AUTS2: variants seen among roughly 807,000 people sequenced by gnomAD.
The protein encoded by AUTS2 is autism susceptibility gene 2 protein.
Under a neutral mutation model 112.4 loss-of-function variants are expected in AUTS2, and 17 were observed. The ratio of observed to expected loss-of-function variants is 0.15; its 90% CI spans 0.10 to 0.23. The LOEUF (loss-of-function observed/expected upper bound fraction) is 0.23. Among genes scored for constraint, AUTS2 ranks in the 10% least tolerant of loss-of-function variants. The pLI is 1.00. For synonymous variants in AUTS2, 751 were observed against 702.7 expected, an observed-to-expected ratio of 1.07 and a Z score of -1.09; for missense variants, 1,510 against 1,701.6, an observed-to-expected ratio of 0.89 and a Z score of 1.98.
chr7:70,770,042 T>C (rs1563186239), intron 10 of AUTS2, among the ~76,000 whole-genome samples: 1 of 152,208 alleles, frequency 6.6e-6, no homozygotes, highest in African/African-American at 2.4e-5. Flanking sequence ...GGGGCATGTA[T>C]TTAATTACTC....
chr7:69,986,455 G>T (rs1356862604), intron 2 of AUTS2, among the ~76,000 whole-genome samples: 1 of 152,200 alleles, frequency 6.6e-6, no homozygotes, highest in Non-Finnish European at 1.5e-5. Flanking sequence ...TTCACATCCA[G>T]GCTCACTTGG....
chr7:69,700,667 A>G (rs539114635), intron 1 of AUTS2, among the ~76,000 whole-genome samples: 72 of 152,350 alleles, frequency 4.7e-4, no homozygotes, highest in African/African-American at 1.6e-3. Flanking sequence ...ACTAGTATCA[A>G]TTATTAACTA....
chr7:70,077,140 C>G (rs1054254106), intron 2 of AUTS2, among the ~76,000 whole-genome samples: 1 of 152,032 alleles, frequency 6.6e-6, no homozygotes, highest in African/African-American at 2.4e-5. Context: ...TTTGAGCTGT[C>G]CATTAGAGGG....
chr7:69,909,705 CAG>C (rs1204892445), intron 2 of AUTS2, among the ~76,000 whole-genome samples: 2 of 152,020 alleles, frequency 1.3e-5, no homozygotes, highest in South Asian at 2.1e-4. Flanking sequence ...TAAAGCCAAA[CAG>C]AATAAAAATT....
intron 1 of AUTS2, among the ~76,000 whole-genome samples, chr7:69,653,367 A>C (rs555143153): frequency 2.7e-4 from 41 of 152,260 alleles, no homozygotes; most frequent in African/African-American, 9.4e-4. Flanking sequence ...AATGGTTTTG[A>C]TTTGCTTTTA....
intron 2 of AUTS2, among the ~76,000 whole-genome samples, chr7:70,097,423 G>A (rs760879695): frequency 3.9e-5 from 6 of 152,172 alleles, no homozygotes; most frequent in Non-Finnish European, 7.3e-5. Flanking sequence ...CTTGATGTCT[G>A]CATGTGCATG....
intron 5 of AUTS2, among the ~76,000 whole-genome samples, chr7:70,633,610 CA>C (rs71870928): frequency 0.26 from 26,976 of 104,342 alleles, 2,616 homozygotes; most frequent in Middle Eastern, 0.35. Flanking sequence ...GACTCCGTCT[CA>C]AAAAAAAAAA....
chr7:70,779,834 A>G (rs1790950406), intron 14 of AUTS2, among the ~76,000 whole-genome samples: 1 of 152,064 alleles, frequency 6.6e-6, no homozygotes, highest in African/African-American at 2.4e-5. Flanking sequence ...CCAGGAGTTC[A>G]AGACCAGCCT....
At chr7:69,804,787 A>G (rs1790229015) in intron 1 of AUTS2, among the ~76,000 whole-genome samples, 1 of 152,188 alleles carries the variant, frequency 6.6e-6, no homozygotes. Flanking sequence ...GTGGTTATCA[A>G]AGTGTGGTCT....
intron 2 of AUTS2, among the ~76,000 whole-genome samples, chr7:70,028,741 G>A (rs1203976310): frequency 2.0e-5 from 3 of 152,048 alleles, no homozygotes; most frequent in African/African-American, 7.3e-5. Context: ...TTCTTGACTA[G>A]ATTTTAATAA....
chr7:70,495,733 A>G (rs374357303), intron 5 of AUTS2, among the ~76,000 whole-genome samples: 3,065 of 114,190 alleles, frequency 0.027, 131 homozygotes, highest in Middle Eastern at 0.05. Flanking sequence ...CACACGTCAC[A>G]TCAGCATCGA....
At chr7:70,656,327 A>G (rs1806768218) in intron 5 of AUTS2, among the ~76,000 whole-genome samples, 1 of 152,120 alleles carries the variant, frequency 6.6e-6, no homozygotes, top group Non-Finnish European at 1.5e-5. Context: ...AAATTTGAAG[A>G]GTTCTCTTCT....
In AUTS2 at chr7:70,590,446, A is replaced by G. The variant is rs181336838; in HGVS notation, c.691-108123A>G. Among the ~76,000 whole-genome samples, 262 of 152,246 alleles carry G rather than the reference A, an allele frequency of 1.7e-3. 1 individual carries two copies. Among genetic ancestry groups the G allele is most frequent in the African/African-American group, 5.5e-3 (229 of 41,548 alleles). On this transcript the variant is annotated intron_variant, in intron 5 of 18. Transcript: ENST00000342771. Reference sequence around the variant, plus strand: ...AGAGGTTGTTAGAACTTTTGGGGGCATACTGTTCCTTTATTTTAGAAACTC... The same window carrying G: ...AGAGGTTGTTAGAACTTTTGGGGGCGTACTGTTCCTTTATTTTAGAAACTC...
At position 69,797,202 on chromosome 7, in the gene AUTS2, C is replaced by T. The variant is rs78265364; in HGVS notation, c.310-102084C>T. ...ACTTTTGCAGGTGGGTAGTATTACG[C>T]AGAGCCCAGATACCCCTGCCTTCTT... is the stretch of plus-strand genomic sequence containing the variant. On this transcript the variant is annotated intron_variant, in intron 1 of 18. Transcript: ENST00000342771. 1.2e-4 allele frequency among the ~76,000 whole-genome samples: 18 copies of T among 152,272 alleles called. No homozygotes were observed. The East Asian group carries it at 3.3e-3, about 28-fold the overall frequency.
At chr7:69,947,544 A>G (rs909695611) in intron 2 of AUTS2, among the ~76,000 whole-genome samples, 5 of 152,190 alleles carry the variant, frequency 3.3e-5, no homozygotes, top group Non-Finnish European at 7.3e-5. Flanking sequence ...TAGTATGTCT[A>G]AGTTTCTACT....
intron 2 of AUTS2, among the ~76,000 whole-genome samples, chr7:69,926,445 GTCTA>G (rs10677736): frequency 0.27 from 33,486 of 122,814 alleles, 4,063 homozygotes; most frequent in East Asian, 0.38. Context: ...CTGTCTGTCT[GTCTA>G]TCTATCTATC....
At chr7:70,487,055 C>T (rs1308680655) in intron 5 of AUTS2, among the ~76,000 whole-genome samples, 2 of 152,106 alleles carry the variant, frequency 1.3e-5, no homozygotes, top group Non-Finnish European at 2.9e-5. Context: ...CTGCTGAGGA[C>T]AGCCCCTCCC....
intron 5 of AUTS2, among the ~76,000 whole-genome samples, chr7:70,553,760 C>CTTTTTT (rs71531706): frequency 2.1e-3 from 116 of 56,100 alleles, no homozygotes; most frequent in East Asian, 6.4e-3. Context: ...GCCTTTCTTT[C>CTTTTTT]TTTTTTTTTT....
At chr7:70,135,576 A>G (rs1806512993) in intron 4 of AUTS2, among the ~76,000 whole-genome samples, 1 of 152,214 alleles carries the variant, frequency 6.6e-6, no homozygotes, top group South Asian at 2.1e-4. Context: ...TTTACATTAA[A>G]TTTATGGAAA....
Sources: allele counts gnomAD v4.1 joint callset (sites outside exome capture counted in the v4.1 genomes callset), GRCh38; gene constraint gnomAD v4.1.1; transcripts MANE v1.5; gene names NCBI Gene and HGNC (gene_info 2026-07-23, HGNC 2026-07-21).